FSTL5: variants seen among roughly 807,000 people sequenced by gnomAD.
FSTL5 encodes follistatin like 5.
A neutral mutation model predicts 89.1 loss-of-function variants in FSTL5; 62 were observed. The ratio of observed to expected loss-of-function variants is 0.70; its 90% CI spans 0.57 to 0.86. The LOEUF is 0.86. FSTL5 is among the 40% of genes least tolerant of loss of function. FSTL5 has a pLI of 0.00. For synonymous variants in FSTL5, 383 were observed against 346.2 expected (o/e 1.11, Z -1.18); for missense variants, 1,057 against 1,001.6 (o/e 1.06, Z -0.75).
At chr4:161,921,229 C>T (rs1733987288) in intron 3 of FSTL5, among the ~76,000 whole-genome samples, 1 of 152,110 alleles carries the variant, frequency 6.6e-6, no homozygotes. Flanking sequence ...CTCTTGAAAA[C>T]TTTGATACAT....
chr4:161,877,241 A>T (rs1431491), intron 4 of FSTL5, among the ~76,000 whole-genome samples: 127,675 of 149,274 alleles, frequency 0.86, 55,773 homozygotes, highest in East Asian at 0.98. Flanking sequence ...AAAATTACTA[A>T]GATATAGTAA....
At chr4:161,922,526 T>C (rs1361191306) in intron 3 of FSTL5, among the ~76,000 whole-genome samples, 1 of 151,958 alleles carries the variant, frequency 6.6e-6, no homozygotes, top group Non-Finnish European at 1.5e-5. Flanking sequence ...TATACAAATT[T>C]TTTCTCCACC....
intron 6 of FSTL5, among the ~76,000 whole-genome samples, chr4:161,756,831 T>C (rs1740587538): frequency 6.6e-6 from 1 of 152,288 alleles, no homozygotes; most frequent in Non-Finnish European, 1.5e-5. Context: ...ACAATAACTG[T>C]ATTTTGAATA....
chr4:161,698,068 G>A (rs1738238592), intron 6 of FSTL5, among the ~76,000 whole-genome samples: 1 of 151,896 alleles, frequency 6.6e-6, no homozygotes, highest in South Asian at 2.1e-4. Flanking sequence ...TAAGTGATTA[G>A]GTCATAAGGA....
At chr4:161,585,099 C>T (rs1297064309) in intron 8 of FSTL5, among the ~76,000 whole-genome samples, 1 of 152,088 alleles carries the variant, frequency 6.6e-6, no homozygotes, top group Admixed American at 6.5e-5. Flanking sequence ...AGAGAGTAAG[C>T]AGTTCATTCA....
rs1045600612 is a variant in FSTL5 at position 162,025,090 on chromosome 4, A to G, written c.160+8535T>C. Among the ~76,000 whole-genome samples the G allele has an allele frequency of 2.6e-5, 4 of 151,872 alleles. No homozygotes were observed. The South Asian group carries it at 6.2e-4, about 24-fold the overall frequency. ...CTGTCTACTGTATTTTTTTTTCATT[A>G]CAGTGCTCCATGCATCATGGTAAAA... On this transcript the variant is annotated intron_variant, in intron 3 of 15. Transcript: ENST00000306100.
chr4:161,455,024 T>C lies in FSTL5; in HGVS notation c.1821A>G (p.Thr607=). 1 of 1,613,538 alleles carries C rather than the reference T, an allele frequency of 6.2e-7. No homozygotes were observed. The highest frequency in any genetic ancestry group is 8.5e-7 in the Non-Finnish European group (1 of 1,179,740). ...CTTACCTCATATGGGTGATAATGAG[T>C]GTTGTGGTGGGAATGAAAAAATCAT... ...RVDDFFIPTT[T]LIITHMRFGF... Residue 607 remains threonine (T), a synonymous_variant, in exon 15 of 16, where the codon ACA becomes ACG. Coordinates refer to ENST00000306100, the MANE Select transcript of FSTL5 (RefSeq NM_020116.5).
rs372737453 is a variant in FSTL5, at chr4:161,593,918, A to G, written c.895-6343T>C. ...AAAACAGGGCTCATACAGACAGAACACTGTTAAGGAACTGAAATGCTAAAT... is the reference window on the plus strand; with the variant it reads ...AAAACAGGGCTCATACAGACAGAACGCTGTTAAGGAACTGAAATGCTAAAT... On this transcript the variant is annotated intron_variant, in intron 7 of 15. Transcript: ENST00000306100. Among the ~76,000 whole-genome samples the G allele has an allele frequency of 1.1e-4, 16 of 152,208 alleles. No homozygotes were observed. The East Asian group carries it at 2.7e-3, about 26-fold the overall frequency.
intron 15 of FSTL5, among the ~76,000 whole-genome samples, chr4:161,398,940 T>G (rs1731091792): frequency 6.6e-6 from 1 of 152,088 alleles, no homozygotes; most frequent in South Asian, 2.1e-4. Context: ...CATAAATGAA[T>G]ATTTATGTAA....
At chr4:161,779,020 G>A (rs1029439123) in intron 4 of FSTL5, among the ~76,000 whole-genome samples, 6 of 152,184 alleles carry the variant, frequency 3.9e-5, no homozygotes, top group Non-Finnish European at 8.8e-5. Flanking sequence ...GCTGAACTTA[G>A]ACCAATGGCA....
At chr4:162,031,730 G>T (rs1236083236) in intron 3 of FSTL5, among the ~76,000 whole-genome samples, 1 of 152,142 alleles carries the variant, frequency 6.6e-6, no homozygotes, top group East Asian at 1.9e-4. Context: ...GAGGTCAAGA[G>T]ATCGAGACCG....
chr4:161,399,729 T>A (rs1731123278), intron 15 of FSTL5, among the ~76,000 whole-genome samples: 1 of 152,106 alleles, frequency 6.6e-6, no homozygotes, highest in African/African-American at 2.4e-5. Context: ...ATACAAAATT[T>A]AATAGAGAGA....
At chr4:161,704,321 C>T (rs1332665809) in intron 6 of FSTL5, among the ~76,000 whole-genome samples, 1 of 152,062 alleles carries the variant, frequency 6.6e-6, no homozygotes, top group Non-Finnish European at 1.5e-5. Context: ...TGTCTCATGT[C>T]TCCTTAAAAT....
At chr4:161,554,203 C>A (rs1176848664) in intron 8 of FSTL5, among the ~76,000 whole-genome samples, 1 of 150,840 alleles carries the variant, frequency 6.6e-6, no homozygotes, top group Non-Finnish European at 1.5e-5. Context: ...ATTTATCATC[C>A]GAAAACCATG....
chr4:161,632,421 T>C (rs1181241634), intron 7 of FSTL5, among the ~76,000 whole-genome samples: 3 of 152,104 alleles, frequency 2.0e-5, no homozygotes, highest in Non-Finnish European at 2.9e-5. Context: ...GAAAAATAGA[T>C]TCAAGTTAAC....
At chr4:161,919,145 A>G (rs1174901845) in intron 4 of FSTL5, among the ~76,000 whole-genome samples, 1 of 152,130 alleles carries the variant, frequency 6.6e-6, no homozygotes, top group East Asian at 1.9e-4. Context: ...AAAATTCCCT[A>G]ATATTTTACA....
chr4:161,420,848 G>A lies in FSTL5; in HGVS notation c.1841+34156C>T, dbSNP rs187413859. On this transcript the variant is annotated intron_variant, in intron 15 of 15. Coordinates refer to ENST00000306100, the MANE Select transcript of FSTL5 (RefSeq NM_020116.5). ...GAGATTTATTATATCTATTATATAG[G>A]CCATAACATATATATTATGTGTATG... 2.0e-5 allele frequency among the ~76,000 whole-genome samples: 3 copies of A among 149,574 alleles called. No individual in the cohort carries two copies. In the East Asian group the frequency reaches 5.9e-4, roughly 29 times the overall value.
At chr4:161,595,281 T>C (rs561454210) in intron 7 of FSTL5, among the ~76,000 whole-genome samples, 93 of 152,158 alleles carry the variant, frequency 6.1e-4, no homozygotes, top group African/African-American at 2.0e-3. Context: ...GGTTGAGAGT[T>C]ATGACCTTAG....
chr4:161,777,789 A>G (rs2126805811), intron 4 of FSTL5, among the ~76,000 whole-genome samples: 1 of 152,208 alleles, frequency 6.6e-6, no homozygotes, highest in African/African-American at 2.4e-5. Context: ...TTCTTGGATT[A>G]CTGTCTCTCA....
Sources: allele counts gnomAD v4.1 joint callset (sites outside exome capture counted in the v4.1 genomes callset), GRCh38; gene constraint gnomAD v4.1.1; transcripts MANE v1.5; gene names NCBI Gene and HGNC (gene_info 2026-07-23, HGNC 2026-07-21).